DNAJC15: variants seen among roughly 807,000 people sequenced by gnomAD.
DNAJC15 encodes the protein dnaJ homolog subfamily C member 15.
Under a neutral mutation model 22.4 loss-of-function variants are expected in DNAJC15, and 27 were observed. That is an observed-to-expected ratio of 1.20 (90% CI 0.89 to 1.66). DNAJC15 has a LOEUF of 1.66. Ranked by LOEUF, DNAJC15 falls within the 40% of genes most tolerant of loss-of-function variation. The pLI is 0.00. For synonymous variants in DNAJC15, 79 were observed against 63.2 expected, an observed-to-expected ratio of 1.25 and a Z score of -1.19; for missense variants, 208 against 187.1, an observed-to-expected ratio of 1.11 and a Z score of -0.65.
rs1199861608 is a variant in DNAJC15, at chr13:43,110,234, A to G, written c.*2986A>G. The G allele has an allele frequency of 6.6e-6, 1 of 152,194 alleles. No homozygotes were observed. Among genetic ancestry groups the G allele is most frequent in the Non-Finnish European group, 1.5e-5 (1 of 68,044 alleles). 9.4% of individuals were successfully genotyped at this position (152,194 alleles called of 1,614,324 possible). On this transcript the variant is annotated 3_prime_UTR_variant, in exon 6 of 6. Coordinates refer to ENST00000379221, the MANE Select transcript of DNAJC15 (RefSeq NM_013238.3). ...ACATAGGCTTCTCAACAGGGCTACT[A>G]GAGCATCGTCACCATAGCAGCTGTC...
In DNAJC15 at chr13:43,051,016, C is replaced by G. The variant is rs138466080; in HGVS notation, c.109-14670C>G. 3.1e-3 allele frequency among the ~76,000 whole-genome samples: 472 copies of G among 152,184 alleles called. 4 individuals are homozygous for G. Among genetic ancestry groups the G allele is most frequent in the African/African-American group, 0.011 (438 of 41,504 alleles). On this transcript the variant is annotated intron_variant, in intron 1 of 5. Transcript: ENST00000379221. ...TGAGACTAAGTCTCACTGTTGCCGC[C>G]CAGGCTGGAGTGCAATGGCGCAATC...
intron 1 of DNAJC15, among the ~76,000 whole-genome samples, chr13:43,025,697 G>T (rs1452834524): frequency 2.0e-5 from 3 of 152,142 alleles, no homozygotes; most frequent in Non-Finnish European, 4.4e-5. Context: ...TTGAGTCAGG[G>T]GTTCGAGACC....
At chr13:43,025,419 A>G (rs2040376084) in intron 1 of DNAJC15, among the ~76,000 whole-genome samples, 1 of 152,172 alleles carries the variant, frequency 6.6e-6, no homozygotes, top group South Asian at 2.1e-4. Context: ...CCACATAGGA[A>G]GCATCTTTAG....
In DNAJC15 at chr13:43,082,730, C is replaced by T. The variant is rs9594882; in HGVS notation, c.312-3038C>T. ...TAATTAATTATCAAGGAAATTTTGACGGAGTAATTTTCAGATTTTGTATTA... is the reference window on the plus strand; with the variant it reads ...TAATTAATTATCAAGGAAATTTTGATGGAGTAATTTTCAGATTTTGTATTA... On this transcript the variant is annotated intron_variant, in intron 4 of 5. Coordinates refer to ENST00000379221, the MANE Select transcript of DNAJC15 (RefSeq NM_013238.3). 7.5e-3 allele frequency among the ~76,000 whole-genome samples: 1,133 copies of T among 152,032 alleles called. 6 individuals are homozygous for T. Among genetic ancestry groups the T allele is most frequent in the African/African-American group, 0.025 (1,055 of 41,472 alleles).
chr13:43,085,217 C>T (rs1365499892), intron 4 of DNAJC15, among the ~76,000 whole-genome samples: 2 of 151,864 alleles, frequency 1.3e-5, no homozygotes, highest in Admixed American at 1.3e-4. Flanking sequence ...AAAAATTAGC[C>T]GGGTGTGGTG....
At chr13:43,024,339 T>G (rs1003918562) in intron 1 of DNAJC15, among the ~76,000 whole-genome samples, 2 of 70,186 alleles carry the variant, frequency 2.8e-5, no homozygotes, top group Non-Finnish European at 5.8e-5. Flanking sequence ...ATTTTTACGT[T>G]TTTTTTTTTT....
chr13:43,079,191 C>T (rs1357542299), intron 4 of DNAJC15, among the ~76,000 whole-genome samples: 3 of 152,038 alleles, frequency 2.0e-5, no homozygotes, highest in African/African-American at 7.2e-5. Flanking sequence ...TATCATTTAA[C>T]ATTTAATGTT....
chr13:43,045,961 T>A (rs1166189143), intron 1 of DNAJC15, among the ~76,000 whole-genome samples: 2 of 152,232 alleles, frequency 1.3e-5, no homozygotes, highest in African/African-American at 2.4e-5. Flanking sequence ...CCCTAGGGCT[T>A]AAAATCATGA....
chr13:43,026,116 A>T (rs1432130306), intron 1 of DNAJC15, among the ~76,000 whole-genome samples: 1 of 152,230 alleles, frequency 6.6e-6, no homozygotes, highest in East Asian at 1.9e-4. Flanking sequence ...ATTGTTCTTT[A>T]CAAACTTATT....
rs991129776 is a variant in DNAJC15, at chr13:43,111,815, T to C, written c.*4567T>C. 6.6e-6 allele frequency: 1 copy of C among 152,204 alleles called. No individual in the cohort carries two copies. The highest frequency in any genetic ancestry group is 1.5e-5 in the Non-Finnish European group (1 of 68,040). The allele number at this position is 152,204 out of a possible 1,614,324, so 9.4% of individuals were successfully genotyped here. On this transcript the variant is annotated 3_prime_UTR_variant, in exon 6 of 6. Coordinates refer to ENST00000379221, the MANE Select transcript of DNAJC15 (RefSeq NM_013238.3). ...AAATGTGTCAGCATAGTCCGTCCCT[T>C]CTAATGGAAAAGCAACCCAAAGAGC... is the stretch of plus-strand genomic sequence containing the variant.
chr13:43,048,342 A>G (rs1441275547), intron 1 of DNAJC15, among the ~76,000 whole-genome samples: 1 of 151,542 alleles, frequency 6.6e-6, no homozygotes, highest in Non-Finnish European at 1.5e-5. Context: ...AAAAAAAAAA[A>G]TTACCCGGGT....
At chr13:43,103,449 C>G (rs1161700474) in intron 5 of DNAJC15, among the ~76,000 whole-genome samples, 1 of 152,224 alleles carries the variant, frequency 6.6e-6, no homozygotes, top group South Asian at 2.1e-4. Context: ...CCAAACCTAT[C>G]TATGGTCTAA....
At position 43,111,173 on chromosome 13, in the gene DNAJC15, G is replaced by C. The variant is rs1593336721; in HGVS notation, c.*3925G>C. 1 of 152,196 alleles carries C rather than the reference G, an allele frequency of 6.6e-6. No individual in the cohort carries two copies. The highest frequency in any genetic ancestry group is 6.5e-5 in the Admixed American group (1 of 15,294). 9.4% of individuals were successfully genotyped at this position (152,196 alleles called of 1,614,324 possible). A position where few individuals can be genotyped will look rare whatever the true frequency, so the allele number is the denominator to read the frequency against. On this transcript the variant is annotated 3_prime_UTR_variant, in exon 6 of 6. Coordinates refer to ENST00000379221, the MANE Select transcript of DNAJC15 (RefSeq NM_013238.3). ...AAGTTTAGTAAGGAAAAAATGTTGGGCTTGGAATACATTGTTTAGTCTTCA... is the reference window on the plus strand; with the variant it reads ...AAGTTTAGTAAGGAAAAAATGTTGGCCTTGGAATACATTGTTTAGTCTTCA...
intron 5 of DNAJC15, among the ~76,000 whole-genome samples, chr13:43,091,119 C>CAAGCCAG (rs1216915885): frequency 1.2e-4 from 19 of 152,104 alleles, no homozygotes; most frequent in Non-Finnish European, 2.2e-4. Context: ...GAATCTCACT[C>CAAGCCAG]TGTCACCTAG....
intron 4 of DNAJC15, 82 bp from the exon 5 acceptor site, chr13:43,085,685 AT>A (rs1566213823): frequency 5.3e-6 from 6 of 1,136,286 alleles, no homozygotes; most frequent in Admixed American, 2.4e-5. Flanking sequence ...ATTAGGTATA[AT>A]TTTTTGAAAC....
chr13:43,056,293 C>G (rs113251474), intron 1 of DNAJC15, among the ~76,000 whole-genome samples: 7 of 151,976 alleles, frequency 4.6e-5, no homozygotes, highest in African/African-American at 1.7e-4. Context: ...CATGCACCAC[C>G]ACGCCTGGCT....
intron 1 of DNAJC15, among the ~76,000 whole-genome samples, chr13:43,039,996 G>A (rs1011776679): frequency 1.3e-5 from 2 of 151,940 alleles, no homozygotes; most frequent in South Asian, 4.2e-4. Flanking sequence ...TCCATCCTGG[G>A]CAAAAGAGTG....
intron 1 of DNAJC15, among the ~76,000 whole-genome samples, chr13:43,050,716 AAG>A (rs772088149): frequency 4.5e-4 from 68 of 152,334 alleles, no homozygotes; most frequent in Non-Finnish European, 7.8e-4. Flanking sequence ...TTAAAATACA[AAG>A]AGAGGTAATT....
chr13:43,100,548 A>G (rs1370955880), intron 5 of DNAJC15, among the ~76,000 whole-genome samples: 1 of 152,024 alleles, frequency 6.6e-6, no homozygotes, highest in Non-Finnish European at 1.5e-5. Flanking sequence ...ATAGCAATAA[A>G]TTTCTCTGCA....
Sources: gnomAD v4.1 joint callset for allele counts (sites outside exome capture counted in the v4.1 genomes callset) on GRCh38, gnomAD v4.1.1 for gene constraint, MANE v1.5 for transcripts, NCBI Gene and HGNC (gene_info 2026-07-23, HGNC 2026-07-21) for gene names.